ZMYND11: variants seen among roughly 807,000 people sequenced by gnomAD.
The protein encoded by ZMYND11 is zinc finger MYND domain-containing protein 11.
Under a neutral mutation model 84.9 loss-of-function variants are expected in ZMYND11, and 9 were observed. That is an observed-to-expected ratio of 0.11 (90% CI 0.06 to 0.18). The LOEUF is 0.18. ZMYND11 is among the 10% of genes least tolerant of loss of function. ZMYND11 has a pLI of 1.00. For missense variants in ZMYND11, 409 were observed against 761.0 expected (o/e 0.54, Z 5.44); for synonymous variants, 250 against 244.1 (o/e 1.02, Z -0.23).
intron 1 of ZMYND11, among the ~76,000 whole-genome samples, chr10:159,641 G>A (rs1842540916): frequency 6.6e-6 from 1 of 152,014 alleles, no homozygotes; most frequent in Non-Finnish European, 1.5e-5. Context: ...AGGGATATTA[G>A]CTCTGAATTT....
rs1161135124 is a variant in ZMYND11 at position 237,634 on chromosome 10, G to A, written c.566G>A (p.Arg189Lys). 3 of 1,613,678 alleles carry A rather than the reference G, an allele frequency of 1.9e-6. No homozygotes were observed. The highest frequency in any genetic ancestry group is 2.5e-6 in the Non-Finnish European group (3 of 1,179,848). The stretch of plus-strand genomic sequence containing the variant: ...AAGGACAATAAACACCCGATGTACA[G>A]GAGGCTGGTGCACTCAGCTGTGGAC... Reference protein sequence around the residue: ...KGKDNKHPMYRRLVHSAVDVP... With the variant: ...KGKDNKHPMYKRLVHSAVDVP... Residue 189 changes from arginine (R) to lysine (K), a missense_variant, in exon 6 of 15, where the codon AGG becomes AAG. Transcript: ENST00000381604.
At chr10:219,400 A>G (rs1946744679) in intron 3 of ZMYND11, among the ~76,000 whole-genome samples, 1 of 152,194 alleles carries the variant, frequency 6.6e-6, no homozygotes, top group Non-Finnish European at 1.5e-5. Flanking sequence ...AAGCCACCAG[A>G]ATCCCTTAAG....
At chr10:183,762 G>A (rs540988406) in intron 2 of ZMYND11, among the ~76,000 whole-genome samples, 9 of 151,986 alleles carry the variant, frequency 5.9e-5, no homozygotes, top group Non-Finnish European at 8.8e-5. Context: ...GTCCATTTTC[G>A]ACATACCCCT....
chr10:222,416 T>G (rs939477886), intron 4 of ZMYND11, among the ~76,000 whole-genome samples: 2 of 152,176 alleles, frequency 1.3e-5, no homozygotes, highest in Non-Finnish European at 2.9e-5. Context: ...TGTTTAATGA[T>G]GACTTGCCAC....
At chr10:228,398 T>C (rs1400292165) in intron 4 of ZMYND11, among the ~76,000 whole-genome samples, 2 of 152,242 alleles carry the variant, frequency 1.3e-5, no homozygotes, top group African/African-American at 2.4e-5. Context: ...AAGGTGATAG[T>C]TGGGGTGTTT....
intron 10 of ZMYND11, chr10:244,409 G>A (rs943961400): frequency 1.3e-5 from 2 of 152,198 alleles, no homozygotes; most frequent in Non-Finnish European, 2.9e-5. Flanking sequence ...CAATGAGCAC[G>A]TTGTAAATCT....
upstream of ZMYND11, among the ~76,000 whole-genome samples, chr10:131,632 C>T (rs982101014): frequency 2.6e-5 from 4 of 152,138 alleles, no homozygotes; most frequent in African/African-American, 4.8e-5. Flanking sequence ...TCAAGCCATC[C>T]TCCTCCCTCA....
chr10:218,678 G>C (rs1241717004), intron 3 of ZMYND11, among the ~76,000 whole-genome samples: 1 of 152,098 alleles, frequency 6.6e-6, no homozygotes, highest in Non-Finnish European at 1.5e-5. Context: ...CTATTTAAAA[G>C]CTTTCATGTT....
intron 1 of ZMYND11, among the ~76,000 whole-genome samples, chr10:177,139 T>G (rs1846819432): frequency 6.6e-6 from 1 of 152,236 alleles, no homozygotes; most frequent in Admixed American, 6.5e-5. Context: ...GAGCACCTGG[T>G]GTGTAACACG....
At chr10:237,949 T>G (rs952607063) in intron 6 of ZMYND11, among the ~76,000 whole-genome samples, 1 of 152,176 alleles carries the variant, frequency 6.6e-6, no homozygotes, top group African/African-American at 2.4e-5. Context: ...CCTTGTTGAT[T>G]TAAGAAAATG....
chr10:166,283 A>G (rs560746000), intron 1 of ZMYND11, among the ~76,000 whole-genome samples: 1 of 152,292 alleles, frequency 6.6e-6, no homozygotes, highest in Non-Finnish European at 1.5e-5. Context: ...TATGCATTAA[A>G]GGACCTTATT....
Position 135,703 on chromosome 10 carries a change from G to T in ZMYND11, c.-20+144G>T. 6.7e-6 allele frequency: 1 copy of T among 149,178 alleles called. No individual in the cohort carries two copies. Among genetic ancestry groups the T allele is most frequent in the South Asian group, 1.8e-4 (1 of 5,640 alleles). 9.2% of individuals were successfully genotyped at this position (149,178 alleles called of 1,614,324 possible). Reference sequence around the variant, plus strand: ...TGCTGACGGTCGCTCGCCCGCTCGCGAAGAGCTCCGAGCTGCCGGGGAGCT... The same window carrying T: ...TGCTGACGGTCGCTCGCCCGCTCGCTAAGAGCTCCGAGCTGCCGGGGAGCT... On this transcript the variant is annotated intron_variant, in intron 1 of 14. Coordinates refer to ENST00000381604, the MANE Select transcript of ZMYND11 (RefSeq NM_001370100.5). The surrounding 1 kb of genome is among the most constrained non-coding windows in gnomAD (Gnocchi z 5.6).
chr10:240,464 A>G (rs950326571), intron 8 of ZMYND11, among the ~76,000 whole-genome samples: 2 of 152,238 alleles, frequency 1.3e-5, no homozygotes, highest in East Asian at 3.8e-4. Context: ...AGATTGCGCC[A>G]CTGCACCCCA....
chr10:226,750 C>T (rs762417085), intron 4 of ZMYND11, among the ~76,000 whole-genome samples: 2 of 152,120 alleles, frequency 1.3e-5, no homozygotes, highest in African/African-American at 2.4e-5. Context: ...GAAATCCCTC[C>T]AAAGAGTTTT....
chr10:194,685 C>CG (rs1941311498), intron 2 of ZMYND11, among the ~76,000 whole-genome samples: 1 of 152,166 alleles, frequency 6.6e-6, no homozygotes, highest in South Asian at 2.1e-4. Flanking sequence ...TTTTAATGTG[C>CG]TTACTGACCA....
In ZMYND11 at chr10:249,058, A is replaced by C; in HGVS notation, c.1656A>C (p.Gln552His). The C allele has an allele frequency of 6.2e-7, 1 of 1,614,250 alleles. No homozygotes were observed. The highest frequency in any genetic ancestry group is 8.5e-7 in the Non-Finnish European group (1 of 1,180,046). ...AGAAGCTGGCAACACAGCACAAGCA[A>C]CTGATTTCTCAGACCAAGAAGAAGC... Reference protein sequence around the residue: ...EIKKLATQHKQLISQTKKKQW... With the variant: ...EIKKLATQHKHLISQTKKKQW... Residue 552 changes from glutamine (Q) to histidine (H), a missense_variant, in exon 14 of 15, where the codon CAA (glutamine) becomes CAC (histidine). By Grantham distance (24) the Gln-to-His change is conservative (BLOSUM62 0). Coordinates refer to ENST00000381604, the MANE Select transcript of ZMYND11 (RefSeq NM_001370100.5).
chr10:141,337 T>C (rs1473475331), intron 1 of ZMYND11, among the ~76,000 whole-genome samples: 6 of 152,062 alleles, frequency 3.9e-5, no homozygotes, highest in Non-Finnish European at 8.8e-5. Flanking sequence ...TGAGGGAGGG[T>C]TCTTGCCATT....
At chr10:158,094 A>T (rs191622087) in intron 1 of ZMYND11, among the ~76,000 whole-genome samples, 1 of 152,304 alleles carries the variant, frequency 6.6e-6, no homozygotes, top group East Asian at 1.9e-4. Context: ...ATTCCATTGG[A>T]TATAACACAT....
rs143266457 is a variant in ZMYND11 at position 228,754 on chromosome 10, A to G, written c.438+7398A>G. Among the ~76,000 whole-genome samples, 24 of 152,336 alleles carry G rather than the reference A, an allele frequency of 1.6e-4. 2 individuals carry two copies. The East Asian group carries it at 4.6e-3, about 29-fold the overall frequency. Reference sequence around the variant, plus strand: ...AGAGACTAGTGTTATGTAGAAGGGGAAAGGAACAAGTAGATACCAAACCTG... The same window carrying G: ...AGAGACTAGTGTTATGTAGAAGGGGGAAGGAACAAGTAGATACCAAACCTG... On this transcript the variant is annotated intron_variant, in intron 4 of 14. Coordinates refer to ENST00000381604, the MANE Select transcript of ZMYND11 (RefSeq NM_001370100.5).
Sources: gnomAD v4.1 joint callset for allele counts (sites outside exome capture counted in the v4.1 genomes callset) on GRCh38, gnomAD v4.1.1 for gene constraint, Gnocchi (gnomAD v3.1) non-coding constraint, MANE v1.5 for transcripts, NCBI Gene and HGNC (gene_info 2026-07-23, HGNC 2026-07-21) for gene names.